The following TRAM2 variants were observed in gnomAD, a reference collection of about 807,000 sequenced individuals.
TRAM2 encodes the protein translocating chain-associated membrane protein 2.
In TRAM2, 12 loss-of-function variants were observed where a neutral mutation model predicts 51.0. The ratio of observed to expected loss-of-function variants is 0.24; its 90% confidence interval spans 0.15 to 0.38. The LOEUF is 0.38. Ranked by LOEUF, TRAM2 falls within the 10% of genes least tolerant of loss-of-function variation. The pLI is 1.00. For synonymous variants in TRAM2, 175 were observed against 179.4 expected (o/e 0.98, Z 0.20); for missense variants, 361 against 462.0 (o/e 0.78, Z 2.00).
chr6:52,554,519 CAAAAAAAA>C (rs55641649), intron 1 of TRAM2, among the ~76,000 whole-genome samples: 2 of 109,084 alleles, frequency 1.8e-5, no homozygotes, highest in African/African-American at 7.0e-5. Flanking sequence ...GACCCCATCT[CAAAAAAAA>C]AAAAAAAAAA....
intron 6 of TRAM2, 151 bp from the exon 7 acceptor site, chr6:52,507,774 T>C: frequency 2.9e-6 from 2 of 684,510 alleles, no homozygotes; most frequent in East Asian, 5.4e-5. Context: ...ACAGTCCCAC[T>C]GCACCAGGCT....
chr6:52,497,432 T>C lies in TRAM2; in HGVS notation c.*5765A>G, dbSNP rs949616062. The C allele has an allele frequency of 7.2e-5, 11 of 152,620 alleles. No homozygotes were observed. The highest frequency in any genetic ancestry group is 1.6e-4 in the Non-Finnish European group (11 of 68,046). The allele number at this position is 152,620 out of a possible 1,614,324, so 9.5% of individuals were successfully genotyped here. A position where few individuals can be genotyped will look rare whatever the true frequency, so the allele number is the denominator to read the frequency against. On this transcript the variant is annotated 3_prime_UTR_variant, in exon 11 of 11. Transcript: ENST00000182527. The stretch of plus-strand genomic sequence containing the variant: ...ATAATTTTCTGCCTTTTATTGTTAT[T>C]TCAGAAAATATTTGATCATTTGTTC...
Position 52,500,322 on chromosome 6 carries a change from T to C in TRAM2, c.*2875A>G, listed in dbSNP as rs191667108. ...AGCCCAACACGCTCATAGGATGAAG[T>C]GGAATTATTTCAGCTCTGGCAACAC... On this transcript the variant is annotated 3_prime_UTR_variant, in exon 11 of 11. Transcript: ENST00000182527. 1 of 152,182 alleles carries C rather than the reference T, an allele frequency of 6.6e-6. No homozygotes were observed. The highest frequency in any genetic ancestry group is 1.9e-4 in the East Asian group (1 of 5,168). 9.4% of individuals were successfully genotyped at this position (152,182 alleles called of 1,614,324 possible).
intron 2 of TRAM2, among the ~76,000 whole-genome samples, chr6:52,525,884 G>A (rs1445253393): frequency 6.6e-6 from 1 of 152,086 alleles, no homozygotes; most frequent in Non-Finnish European, 1.5e-5. Context: ...ATGACTGGTG[G>A]TCTTCTAAAA....
chr6:52,510,063 G>T (rs115810481), intron 4 of TRAM2, among the ~76,000 whole-genome samples: 7 of 152,044 alleles, frequency 4.6e-5, no homozygotes, highest in African/African-American at 1.4e-4. Flanking sequence ...ATCACCACTC[G>T]CTGGAAAAAT....
At chr6:52,524,870 C>G (rs1766746787) in intron 2 of TRAM2, 1 of 152,126 alleles carries the variant, frequency 6.6e-6, no homozygotes, top group African/African-American at 2.4e-5. Context: ...GTTAACCCTT[C>G]TGAACAATGG....
chr6:52,563,328 A>T (rs1438653312), intron 1 of TRAM2, among the ~76,000 whole-genome samples: 1 of 152,244 alleles, frequency 6.6e-6, no homozygotes, highest in African/African-American at 2.4e-5. Context: ...AAGGAAACAG[A>T]CAGATAGACA....
intron 2 of TRAM2, among the ~76,000 whole-genome samples, chr6:52,527,860 A>G (rs1766812340): frequency 6.6e-6 from 1 of 152,136 alleles, no homozygotes; most frequent in Non-Finnish European, 1.5e-5. Flanking sequence ...CAATTGTTAC[A>G]CTTAATAAGT....
intron 1 of TRAM2, among the ~76,000 whole-genome samples, chr6:52,572,181 C>A (rs1432772774): frequency 6.6e-6 from 1 of 152,234 alleles, no homozygotes; most frequent in African/African-American, 2.4e-5. Context: ...GTACGTGACC[C>A]TCCTTGGTTT....
chr6:52,567,152 G>T (rs963515364), intron 1 of TRAM2, among the ~76,000 whole-genome samples: 4 of 152,200 alleles, frequency 2.6e-5, no homozygotes, highest in African/African-American at 9.7e-5. Context: ...CAACCCAACT[G>T]GTAGGGCTGA....
rs1373541527 is a variant in TRAM2 at position 52,499,822 on chromosome 6, T to C, written c.*3375A>G. ...TTTCTCAGCAACCATTTCGGTCTGG[T>C]GGCCCAGACACACATGGGATTAGAA... is the stretch of plus-strand genomic sequence containing the variant. On this transcript the variant is annotated 3_prime_UTR_variant, in exon 11 of 11. Transcript: ENST00000182527. The C allele has an allele frequency of 6.6e-6, 1 of 152,092 alleles. No homozygotes were observed. Among genetic ancestry groups the C allele is most frequent in the Non-Finnish European group, 1.5e-5 (1 of 68,098 alleles). 9.4% of individuals were successfully genotyped at this position (152,092 alleles called of 1,614,324 possible).
chr6:52,554,464 G>A lies in TRAM2; in HGVS notation c.121-18618C>T, dbSNP rs191414240. Among the ~76,000 whole-genome samples, 226 of 148,368 alleles carry A rather than the reference G, an allele frequency of 1.5e-3. 1 individual carries two copies. Among genetic ancestry groups the A allele is most frequent in the African/African-American group, 5.4e-3 (217 of 40,420 alleles). On this transcript the variant is annotated intron_variant, in intron 1 of 10. Coordinates refer to ENST00000182527, the MANE Select transcript of TRAM2 (RefSeq NM_012288.4). ...GAATCCAGGAGGCAGAGGTTGCAGT[G>A]AGCAGATATCATGTCACTGCACTCC...
chr6:52,559,160 G>C (rs930685485), intron 1 of TRAM2, among the ~76,000 whole-genome samples: 2 of 152,200 alleles, frequency 1.3e-5, no homozygotes, highest in African/African-American at 4.8e-5. Context: ...GGGCATGGTA[G>C]AAAGAGTTCT....
chr6:52,563,383 TTAAA>T (rs1433442806), intron 1 of TRAM2, among the ~76,000 whole-genome samples: 1 of 152,146 alleles, frequency 6.6e-6, no homozygotes, highest in African/African-American at 2.4e-5. Flanking sequence ...TTGTATTTGC[TTAAA>T]TAAACCCAAC....
At position 52,535,797 on chromosome 6, in the gene TRAM2, C is replaced by G. The variant is rs202012771; in HGVS notation, c.170G>C (p.Ser57Thr). ...GTGATTCTTACCTGCTGTAGGCACG[C>G]TAATGTTATACTGAGGTAAAATAAA... is the stretch of plus-strand genomic sequence containing the variant. The part of the protein sequence containing the change: ...FLFILPQYNI[S>T]VPTADSETVH... The change falls in exon 2 of 11, where the codon AGC (serine) becomes ACC (threonine). Residue 57 changes from serine (S) to threonine (T), a missense_variant. Transcript: ENST00000182527. 3.1e-6 allele frequency: 5 copies of G among 1,613,936 alleles called. No homozygotes were observed. Among genetic ancestry groups the G allele is most frequent in the Non-Finnish European group, 4.2e-6 (5 of 1,179,856 alleles).
At chr6:52,528,886 CTTTTTT>C (rs144917424) in intron 2 of TRAM2, among the ~76,000 whole-genome samples, 5 of 128,528 alleles carry the variant, frequency 3.9e-5, no homozygotes, top group East Asian at 2.2e-4. Context: ...GTGTACATGA[CTTTTTT>C]TTTTTTTTTT....
chr6:52,507,527 C>G, intron 7 of TRAM2, 26 bp downstream of exon 7: 1 of 1,612,798 alleles, frequency 6.2e-7, no homozygotes, highest in Non-Finnish European at 8.5e-7. Context: ...GCAAGGAAAT[C>G]TGGCTGGCTC....
intron 4 of TRAM2, among the ~76,000 whole-genome samples, chr6:52,515,508 G>C (rs1481661567): frequency 1.3e-5 from 2 of 152,240 alleles, no homozygotes; most frequent in African/African-American, 2.4e-5. Flanking sequence ...AGAAGGCCAA[G>C]GTAGTAAAAC....
intron 4 of TRAM2, 115 bp from the exon 5 acceptor site, chr6:52,509,701 A>G: frequency 1.2e-6 from 1 of 868,494 alleles, no homozygotes; most frequent in South Asian, 1.7e-5. Flanking sequence ...AGAAAGAGGA[A>G]GGAACAGGAA....
Sources: gnomAD v4.1 joint callset for allele counts (sites outside exome capture counted in the v4.1 genomes callset) on GRCh38, gnomAD v4.1.1 for gene constraint, MANE v1.5 for transcripts, NCBI Gene and HGNC (gene_info 2026-07-23, HGNC 2026-07-21) for gene names.